Variants in TCF7L1 observed in about 807,000 individuals in gnomAD.
The protein encoded by TCF7L1 is transcription factor 7 like 1, also known as transcription factor 7-like 1.
Under a neutral mutation model 63.7 loss-of-function variants are expected in TCF7L1, and 18 were observed. The ratio of observed to expected loss-of-function variants is 0.28; its 90% CI spans 0.20 to 0.42. The LOEUF (loss-of-function observed/expected upper bound fraction) is 0.42, where lower values mean the gene tolerates loss of function less well. Ranked by LOEUF, TCF7L1 falls within the 10% of genes least tolerant of loss-of-function variation. TCF7L1 has a pLI of 1.00. For missense variants in TCF7L1, 654 were observed against 779.3 expected (o/e 0.84, Z 1.91); for synonymous variants, 355 against 340.9 (o/e 1.04, Z -0.46).
At chr2:85,173,970 T>C (rs1678616657) in intron 3 of TCF7L1, among the ~76,000 whole-genome samples, 1 of 152,036 alleles carries the variant, frequency 6.6e-6, no homozygotes, top group Admixed American at 6.6e-5. Flanking sequence ...CTCCTGACCT[T>C]GTGATCCGCC....
intron 3 of TCF7L1, among the ~76,000 whole-genome samples, chr2:85,252,070 C>T (rs926006403): frequency 1.3e-5 from 2 of 152,148 alleles, no homozygotes; most frequent in African/African-American, 4.8e-5. Flanking sequence ...GTAAGATCCT[C>T]TCTCAAAACA....
rs550620946 is a variant in TCF7L1, at chr2:85,186,123, C to A, written c.441+51673C>A. Among the ~76,000 whole-genome samples, 15 of 152,174 alleles carry A rather than the reference C, an allele frequency of 9.9e-5. No homozygotes were observed. In the East Asian group the frequency reaches 2.5e-3, roughly 26 times the overall value. ...CTGGGACTACAGGTGCCTGCCACCA[C>A]GCCTGGCTAGTTTTTTGTATTTTTT... is the stretch of plus-strand genomic sequence containing the variant. On this transcript the variant is annotated intron_variant, in intron 3 of 11. Coordinates refer to ENST00000282111, the MANE Select transcript of TCF7L1 (RefSeq NM_031283.3).
chr2:85,159,483 T>C (rs1678230492), intron 3 of TCF7L1, among the ~76,000 whole-genome samples: 2 of 152,196 alleles, frequency 1.3e-5, no homozygotes, highest in South Asian at 2.1e-4. Context: ...CAGTGAAACC[T>C]TCTGCAGAAA....
chr2:85,191,253 A>G (rs952507551), intron 3 of TCF7L1, among the ~76,000 whole-genome samples: 4 of 152,126 alleles, frequency 2.6e-5, no homozygotes, highest in African/African-American at 9.7e-5. Context: ...CTTCCTCCCA[A>G]GGAAGGAGTT....
At chr2:85,173,147 A>T (rs1168241024) in intron 3 of TCF7L1, among the ~76,000 whole-genome samples, 2 of 152,226 alleles carry the variant, frequency 1.3e-5, no homozygotes, top group Non-Finnish European at 2.9e-5. Context: ...TATTCCTTTC[A>T]AAAGGAAAAT....
intron 3 of TCF7L1, among the ~76,000 whole-genome samples, chr2:85,182,065 T>C (rs1678815585): frequency 6.6e-6 from 1 of 151,888 alleles, no homozygotes; most frequent in Admixed American, 6.6e-5. Context: ...CTGGTGGACA[T>C]GGGGAGGAGG....
chr2:85,226,860 A>G (rs1390245665), intron 3 of TCF7L1, among the ~76,000 whole-genome samples: 1 of 135,468 alleles, frequency 7.4e-6, no homozygotes, highest in Non-Finnish European at 1.5e-5. Context: ...CACTTTCTCC[A>G]TGTCATTCTC....
chr2:85,178,327 T>C (rs1678725448), intron 3 of TCF7L1, among the ~76,000 whole-genome samples: 1 of 152,252 alleles, frequency 6.6e-6, no homozygotes, highest in African/African-American at 2.4e-5. Context: ...TTGTTTTGTT[T>C]AGCCATTTCC....
At chr2:85,144,723 G>C (rs149034875) in intron 3 of TCF7L1, among the ~76,000 whole-genome samples, 6,582 of 138,282 alleles carry the variant, frequency 0.048, 149 homozygotes, top group Middle Eastern at 0.099. Flanking sequence ...CTCTCTCTGT[G>C]TGTGTGTGTG....
At chr2:85,191,825 CAA>C (rs758489919) in intron 3 of TCF7L1, among the ~76,000 whole-genome samples, 27 of 91,240 alleles carry the variant, frequency 3.0e-4, no homozygotes, top group South Asian at 3.5e-4. Context: ...AACTCCATCT[CAA>C]AAAAAAAAAA....
At chr2:85,308,830 A>T (rs1682206262) in intron 11 of TCF7L1, among the ~76,000 whole-genome samples, 199 bp from the exon 12 acceptor site, 1 of 152,004 alleles carries the variant, frequency 6.6e-6, no homozygotes, top group South Asian at 2.1e-4. Flanking sequence ...GATCTTCATC[A>T]GTTTGGGCGT....
At chr2:85,271,530 A>G (rs1452094097) in intron 3 of TCF7L1, among the ~76,000 whole-genome samples, 1 of 152,274 alleles carries the variant, frequency 6.6e-6, no homozygotes, top group South Asian at 2.1e-4. Context: ...CTGTAGAAGT[A>G]TATCCTGCCT....
chr2:85,234,153 T>TTTTTTC (rs1558641614), intron 3 of TCF7L1, among the ~76,000 whole-genome samples: 4 of 134,332 alleles, frequency 3.0e-5, no homozygotes, highest in Admixed American at 1.5e-4. Context: ...TTTTTTTTTT[T>TTTTTTC]CGAGATGGAG....
chr2:85,144,741 G>GTGTT (rs1374760649), intron 3 of TCF7L1, among the ~76,000 whole-genome samples: 3 of 149,076 alleles, frequency 2.0e-5, no homozygotes, highest in African/African-American at 7.7e-5. Flanking sequence ...GTGTGTGTGT[G>GTGTT]TGTGTGTGTA....
intron 3 of TCF7L1, among the ~76,000 whole-genome samples, chr2:85,255,976 C>T (rs1277480331): frequency 1.3e-5 from 2 of 152,180 alleles, no homozygotes; most frequent in African/African-American, 2.4e-5. Flanking sequence ...TAATCTGCAG[C>T]CCCTGAGAAG....
chr2:85,175,100 A>G (rs1193646153), intron 3 of TCF7L1, among the ~76,000 whole-genome samples: 2 of 152,152 alleles, frequency 1.3e-5, no homozygotes, highest in African/African-American at 2.4e-5. Flanking sequence ...CGCAGCTCAC[A>G]GTGGGCTCTC....
At chr2:85,282,756 C>CTTGGCAAG (rs1250171722) in intron 3 of TCF7L1, among the ~76,000 whole-genome samples, 23 of 150,182 alleles carry the variant, frequency 1.5e-4, no homozygotes, top group Admixed American at 8.6e-4. Context: ...TTTCTAGGCT[C>CTTGGCAAG]TTGGCAAGGA....
intron 3 of TCF7L1, among the ~76,000 whole-genome samples, chr2:85,161,940 G>T (rs1490201178): frequency 1.3e-5 from 2 of 152,180 alleles, no homozygotes; most frequent in Non-Finnish European, 2.9e-5. Flanking sequence ...GAGGCTGAGG[G>T]TCTAGCGAGG....
chr2:85,153,340 A>ATTTTTTTTTTTTTTTTTTTTTTT lies in TCF7L1; in HGVS notation c.441+18909_441+18910insTTTTTTTTTTTTTTTTTTTTTTT, dbSNP rs66697146. ...TTCATGATCTTGCTAGCCTTTATAAATTTTTTTTTTTTTTTTTTTGAGATG... is the reference window on the plus strand; with the variant it reads ...TTCATGATCTTGCTAGCCTTTATAAATTTTTTTTTTTTTTTTTTTTTTTTTTTTTTTTTTTTTTTTTTGAGATG... On this transcript the variant is annotated intron_variant, in intron 3 of 11. Coordinates refer to ENST00000282111, the MANE Select transcript of TCF7L1 (RefSeq NM_031283.3). Among the ~76,000 whole-genome samples, 10 of 102,270 alleles carry ATTTTTTTTTTTTTTTTTTTTTTT rather than the reference A, an allele frequency of 9.8e-5. 1 individual carries two copies. Among genetic ancestry groups the ATTTTTTTTTTTTTTTTTTTTTTT allele is most frequent in the African/African-American group, 3.4e-4 (8 of 23,752 alleles). The allele number at this position is 102,270 out of a possible 152,430, so 67.1% of individuals were successfully genotyped here. A position where few individuals can be genotyped will look rare whatever the true frequency, so the allele number is the denominator to read the frequency against.
Sources: allele counts gnomAD v4.1 joint callset (sites outside exome capture counted in the v4.1 genomes callset), GRCh38; gene constraint gnomAD v4.1.1; transcripts MANE v1.5; gene names NCBI Gene and HGNC (gene_info 2026-07-23, HGNC 2026-07-21).